POLR3B: variants seen among roughly 807,000 people sequenced by gnomAD.
POLR3B encodes DNA-directed RNA polymerase III subunit RPC2.
In POLR3B, 96 loss-of-function variants were observed where a neutral mutation model predicts 147.4. That is an observed-to-expected ratio of 0.65 (90% confidence interval 0.55 to 0.77). The LOEUF is 0.77. Among genes scored for constraint, POLR3B ranks in the 30% least tolerant of loss-of-function variants. POLR3B has a pLI of 0.00. For missense variants in POLR3B, 1,036 were observed against 1,413.5 expected (o/e 0.73, Z 4.28); for synonymous variants, 461 against 485.9 (o/e 0.95, Z 0.67).
rs1258653398 is a variant in POLR3B at position 106,357,946 on chromosome 12, G to A, written c.67G>A (p.Val23Ile). ...PEQLAAPIPT[V>I]EEKWRLLPAF... Reference sequence around the variant, plus strand: ...GCAGCTGGCGGCGCCGATCCCGACTGTAGAGGTCAGTGCCAGGCACGCAGG... The same window carrying A: ...GCAGCTGGCGGCGCCGATCCCGACTATAGAGGTCAGTGCCAGGCACGCAGG... The change falls in exon 1 of 28, where the codon GTA becomes ATA. Residue 23 changes from valine to isoleucine, a missense_variant. By Grantham distance (29) the Val-to-Ile change is conservative (BLOSUM62 3). This residue lies in a region of POLR3B where 150 missense variants were observed against 145.5 expected (regional missense o/e 1.03). Transcript: ENST00000228347. The A allele has an allele frequency of 6.2e-7, 1 of 1,612,820 alleles. No individual in the cohort carries two copies. Among genetic ancestry groups the A allele is most frequent in the Non-Finnish European group, 8.5e-7 (1 of 1,179,930 alleles).
At chr12:106,423,949 C>T (rs1371187050) in intron 12 of POLR3B, among the ~76,000 whole-genome samples, 1 of 151,938 alleles carries the variant, frequency 6.6e-6, no homozygotes, top group Admixed American at 6.6e-5. Flanking sequence ...CTCCGCCTCC[C>T]GGGTTCAAGT....
At position 106,444,487 on chromosome 12, in the gene POLR3B, A is replaced by G. The variant is rs751682027; in HGVS notation, c.1980A>G (p.Glu660=). 41 of 1,613,610 alleles carry G rather than the reference A, an allele frequency of 2.5e-5. No homozygotes were observed. The highest frequency in any genetic ancestry group is 3.1e-5 in the Non-Finnish European group (37 of 1,179,856). ...INKDTTHLEI[E]PFTLLGVCAG... is the part of the protein sequence containing the mutation. The stretch of plus-strand genomic sequence containing the variant: ...GAGACACCACCCACTTGGAGATTGA[A>G]CCCTTCACTCTTCTCGGCGTGTGTG... The change falls in exon 19 of 28, where the codon GAA becomes GAG. Residue 660 remains glutamate, a synonymous_variant. Transcript: ENST00000228347.
intron 23 of POLR3B, among the ~76,000 whole-genome samples, chr12:106,481,960 T>A (rs1207492224): frequency 6.6e-6 from 1 of 152,252 alleles, no homozygotes; most frequent in East Asian, 1.9e-4. Flanking sequence ...TTTGTTTTTG[T>A]CTATTTTAAT....
chr12:106,486,315 A>AAAT, intron 23 of POLR3B, among the ~76,000 whole-genome samples: 1 of 147,688 alleles, frequency 6.8e-6, no homozygotes, highest in Non-Finnish European at 1.5e-5. Flanking sequence ...AAAAAAAAAA[A>AAAT]GAGTAAGGAG....
chr12:106,449,145 G>T (rs1207421541), intron 19 of POLR3B, among the ~76,000 whole-genome samples: 1 of 152,112 alleles, frequency 6.6e-6, no homozygotes, highest in Non-Finnish European at 1.5e-5. Context: ...GTCTAAACAC[G>T]AAATCCGTTT....
chr12:106,411,263 C>G (rs1287893486), intron 12 of POLR3B, among the ~76,000 whole-genome samples: 3 of 152,108 alleles, frequency 2.0e-5, no homozygotes, highest in Admixed American at 6.5e-5. Flanking sequence ...CTCAGCCTCC[C>G]GAGTAGCTGT....
intron 4 of POLR3B, among the ~76,000 whole-genome samples, chr12:106,367,391 T>C (rs1413805304): frequency 1.3e-5 from 2 of 152,250 alleles, no homozygotes. Flanking sequence ...AGATACGATG[T>C]TGTCTACTAA....
intron 10 of POLR3B, among the ~76,000 whole-genome samples, chr12:106,404,065 C>T (rs1162635176): frequency 6.6e-6 from 1 of 150,972 alleles, no homozygotes; most frequent in Non-Finnish European, 1.5e-5. Flanking sequence ...TTTGCATTTA[C>T]ACCAGCTGTG....
chr12:106,463,504 T>C lies in POLR3B; in HGVS notation c.2597T>C (p.Ile866Thr). Residue 866 changes from isoleucine (I) to threonine (T), a missense_variant, in exon 23 of 28, where the codon ATT (isoleucine) becomes ACT (threonine). Physicochemically the swap from Ile to Thr is moderately conservative, Grantham distance 89. Around this residue, in one of 12 missense-constraint regions of POLR3B, gnomAD observed 202 missense variants for 272.8 expected, o/e 0.74. Coordinates refer to ENST00000228347, the MANE Select transcript of POLR3B (RefSeq NM_018082.6). ...TACAAAGGAGCAACAGACTCATATA[T>C]TGAAAAAGTGATGATATCTTCAAAT... ...ITYKGATDSY[I>T]EKVMISSNAE... The C allele has an allele frequency of 6.2e-7, 1 of 1,613,576 alleles. No individual in the cohort carries two copies. The highest frequency in any genetic ancestry group is 1.3e-5 in the African/African-American group (1 of 75,022).
intron 11 of POLR3B, among the ~76,000 whole-genome samples, chr12:106,407,238 T>G (rs529438805): frequency 6.6e-6 from 1 of 152,238 alleles, no homozygotes; most frequent in Non-Finnish European, 1.5e-5. Context: ...CTTTTGAGCC[T>G]GAGACGTAAT....
chr12:106,383,985 A>G (rs2136906289), intron 9 of POLR3B, among the ~76,000 whole-genome samples: 1 of 152,196 alleles, frequency 6.6e-6, no homozygotes, highest in South Asian at 2.1e-4. Context: ...CTCAAAAAAA[A>G]AAAAGAGAGA....
chr12:106,407,883 A>G (rs973723034), intron 11 of POLR3B, among the ~76,000 whole-genome samples: 10 of 152,142 alleles, frequency 6.6e-5, no homozygotes, highest in Non-Finnish European at 5.9e-5. Context: ...CTAAATTACC[A>G]TTTTAAAAGT....
intron 26 of POLR3B, among the ~76,000 whole-genome samples, chr12:106,503,803 A>G (rs1745251167): frequency 2.0e-5 from 3 of 152,232 alleles, no homozygotes; most frequent in Admixed American, 2.0e-4. Flanking sequence ...ATATATTAAT[A>G]TGTTATTACA....
At chr12:106,380,567 A>G (rs2036748310) in intron 9 of POLR3B, among the ~76,000 whole-genome samples, 1 of 152,136 alleles carries the variant, frequency 6.6e-6, no homozygotes, top group African/African-American at 2.4e-5. Context: ...TGGACAACAT[A>G]GTGAGAACTC....
At chr12:106,425,372 C>T (rs2037422145) in intron 12 of POLR3B, among the ~76,000 whole-genome samples, 1 of 152,174 alleles carries the variant, frequency 6.6e-6, no homozygotes, top group South Asian at 2.1e-4. Flanking sequence ...TGCTGGACCT[C>T]TTCCGGGGGT....
rs2038744719 is a variant in POLR3B, at chr12:106,509,649, T to C, written c.*100T>C. The C allele has an allele frequency of 1.8e-6, 2 of 1,096,838 alleles. No homozygotes were observed. Among genetic ancestry groups the C allele is most frequent in the South Asian group, 2.6e-5 (2 of 76,884 alleles). 67.9% of individuals were successfully genotyped at this position (1,096,838 alleles called of 1,614,324 possible). A position where few individuals can be genotyped will look rare whatever the true frequency, so the allele number is the denominator to read the frequency against. The stretch of plus-strand genomic sequence containing the variant: ...ACGTCTCCTCCTGTGAAGAATTCCC[T>C]TGCGTATTCTCTCTCTAAAACAACC... On this transcript the variant is annotated 3_prime_UTR_variant, in exon 28 of 28. Coordinates refer to ENST00000228347, the MANE Select transcript of POLR3B (RefSeq NM_018082.6).
intron 10 of POLR3B, among the ~76,000 whole-genome samples, chr12:106,396,194 G>A (rs896596797): frequency 2.0e-5 from 3 of 152,266 alleles, no homozygotes; most frequent in South Asian, 4.1e-4. Context: ...CCTCAAACAA[G>A]TGAAAAATTT....
At chr12:106,409,104 G>A (rs1021549168) in intron 11 of POLR3B, among the ~76,000 whole-genome samples, 3 of 152,234 alleles carry the variant, frequency 2.0e-5, no homozygotes, top group African/African-American at 7.2e-5. Flanking sequence ...TGAAAATTTT[G>A]TTAGTGAAAG....
intron 15 of POLR3B, 118 bp from the exon 16 acceptor site, chr12:106,433,601 A>G (rs2037537752): frequency 2.6e-6 from 2 of 775,020 alleles, no homozygotes; most frequent in Non-Finnish European, 4.1e-6. Flanking sequence ...GCAGGTGTTA[A>G]TAATGGTATT....
Sources: gnomAD v4.1 joint callset for allele counts (sites outside exome capture counted in the v4.1 genomes callset) on GRCh38, gnomAD v4.1.1 for gene constraint, gnomAD v4.1.1 regional missense constraint, MANE v1.5 for transcripts, NCBI Gene and HGNC (gene_info 2026-07-23, HGNC 2026-07-21) for gene names.